GLRA2: variants seen among roughly 807,000 people sequenced by gnomAD.
GLRA2 encodes glycine receptor subunit alpha-2.
Under a neutral mutation model 31.6 loss-of-function variants are expected in GLRA2, and 11 were observed. The observed-to-expected ratio is 0.35, with a 90% CI of 0.22 to 0.58. The LOEUF is 0.58. GLRA2 is among the 20% of genes least tolerant of loss of function. The pLI, the probability that GLRA2 is intolerant of heterozygous loss-of-function variation, is 0.84. For missense variants in GLRA2, 212 were observed against 351.8 expected, an observed-to-expected ratio of 0.60 and a Z score of 3.18; for synonymous variants, 132 against 134.0, an observed-to-expected ratio of 0.99 and a Z score of 0.10.
At chrX:14,537,177 T>C (rs2089336974) in intron 2 of GLRA2, among the ~76,000 whole-genome samples, 1 of 111,394 alleles carries the variant, frequency 9.0e-6, no homozygotes, top group South Asian at 3.8e-4. Flanking sequence ...ACATATAGCA[T>C]GGGGGACTAT....
chrX:14,520,642 C>T, the GLRA2 span, among the ~76,000 whole-genome samples: 1 of 112,476 alleles, frequency 8.9e-6, no homozygotes, highest in South Asian at 3.7e-4. Flanking sequence ...CATCCAATTG[C>T]CTGCATGGAG....
chrX:14,672,193 T>C (rs1431765175), intron 7 of GLRA2, among the ~76,000 whole-genome samples: 1 of 112,375 alleles, frequency 8.9e-6, no homozygotes, highest in Non-Finnish European at 1.9e-5. Context: ...CATGGCTCTC[T>C]CTAACACAGC....
At chrX:14,533,523 G>GAAA (rs1044537875) in intron 2 of GLRA2, among the ~76,000 whole-genome samples, 3 of 95,374 alleles carry the variant, frequency 3.1e-5, no homozygotes, top group Admixed American at 2.3e-4. Flanking sequence ...AAATTTTTCT[G>GAAA]AAAAAAAAAA....
At chrX:14,541,508 C>A (rs1315416424) in intron 2 of GLRA2, among the ~76,000 whole-genome samples, 1 of 111,889 alleles carries the variant, frequency 8.9e-6, no homozygotes, top group Non-Finnish European at 1.9e-5. Context: ...AATGTATCTT[C>A]TTCTAATTTA....
At chrX:14,541,012 T>G (rs906473296) in intron 2 of GLRA2, among the ~76,000 whole-genome samples, 8 of 110,472 alleles carry the variant, frequency 7.2e-5, no homozygotes, top group African/African-American at 2.6e-4. Flanking sequence ...AAAAGAGAGA[T>G]CTTCCTGTGG....
chrX:14,521,441 A>G, the GLRA2 span, among the ~76,000 whole-genome samples: 3 of 111,031 alleles, frequency 2.7e-5, no homozygotes, highest in Admixed American at 1.9e-4. Context: ...CATCCTTCGG[A>G]CTCCAAGACT....
chrX:14,628,544 A>G (rs1569512940), intron 7 of GLRA2, among the ~76,000 whole-genome samples: 1 of 111,698 alleles, frequency 9.0e-6, no homozygotes, highest in Admixed American at 9.5e-5. Context: ...TTAAGAAGTA[A>G]CTCTGTGTGT....
chrX:14,530,368 A>C (rs1462124742), intron 1 of GLRA2, among the ~76,000 whole-genome samples: 3 of 111,907 alleles, frequency 2.7e-5, no homozygotes, highest in African/African-American at 9.7e-5. Context: ...AGCCAACGTG[A>C]TATTAAGGTA....
chrX:14,516,685 C>A, the GLRA2 span, among the ~76,000 whole-genome samples: 22 of 111,462 alleles, frequency 2.0e-4, no homozygotes, highest in Non-Finnish European at 4.0e-4. Context: ...TCATATGAAG[C>A]CTTGTAGCAG....
chrX:14,459,148 G>A, the GLRA2 span, among the ~76,000 whole-genome samples: 2 of 111,677 alleles, frequency 1.8e-5, no homozygotes, highest in East Asian at 2.8e-4. Context: ...CCCATTTCTT[G>A]TTTTTGTCAG....
rs187342227 is a variant in GLRA2, at chrX:14,564,120, A to G, written c.203-10213A>G. Among the ~76,000 whole-genome samples, 5 of 109,684 alleles carry G rather than the reference A, an allele frequency of 4.6e-5. No individual in the cohort carries two copies. In the East Asian group the frequency reaches 1.4e-3, roughly 31 times the overall value. On this transcript the variant is annotated intron_variant, in intron 2 of 8. Coordinates refer to ENST00000218075, the MANE Select transcript of GLRA2 (RefSeq NM_002063.4). ...AATCCAAGAAGCACAATAAGTTCCA[A>G]GTAGGGTAAACCCAAAGAGATCCAC...
At chrX:14,479,413 G>T in the GLRA2 span, among the ~76,000 whole-genome samples, 14 of 111,338 alleles carry the variant, frequency 1.3e-4, no homozygotes, top group East Asian at 3.7e-3. Context: ...TTTAGATTCA[G>T]TGGGTACAAA....
At chrX:14,517,158 T>C in the GLRA2 span, among the ~76,000 whole-genome samples, 30 of 112,318 alleles carry the variant, frequency 2.7e-4, no homozygotes, top group African/African-American at 9.7e-4. Context: ...TATAAGGCAT[T>C]TTAATTTTCA....
chrX:14,458,469 C>A, the GLRA2 span, among the ~76,000 whole-genome samples: 1 of 112,145 alleles, frequency 8.9e-6, no homozygotes, highest in Non-Finnish European at 1.9e-5. Context: ...GATGGTTGAA[C>A]TAGTTTACAG....
intron 7 of GLRA2, among the ~76,000 whole-genome samples, chrX:14,661,019 T>C (rs1049456484): frequency 8.9e-6 from 1 of 112,344 alleles, no homozygotes; most frequent in Non-Finnish European, 1.9e-5. Context: ...AGAGCCTGTC[T>C]CATTCATTTA....
chrX:14,682,512 T>A (rs1451215440), intron 7 of GLRA2, among the ~76,000 whole-genome samples: 1 of 111,615 alleles, frequency 9.0e-6, no homozygotes, highest in Non-Finnish European at 1.9e-5. Context: ...TTGCAAACAT[T>A]TATAAGGACT....
intron 3 of GLRA2, among the ~76,000 whole-genome samples, chrX:14,575,292 C>T (rs5935776): frequency 0.39 from 42,081 of 107,027 alleles, 7,840 homozygotes; most frequent in African/African-American, 0.7. Context: ...CCTCTGGCTC[C>T]CAGGTTCAAG....
the GLRA2 span, among the ~76,000 whole-genome samples, chrX:14,492,829 C>T: frequency 8.9e-6 from 1 of 111,973 alleles, no homozygotes; most frequent in East Asian, 2.8e-4. Flanking sequence ...TTACGTCTCA[C>T]AGTTCTGAAG....
chrX:14,575,655 CT>C (rs1203619732), intron 3 of GLRA2, among the ~76,000 whole-genome samples: 1 of 110,515 alleles, frequency 9.0e-6, no homozygotes, highest in African/African-American at 3.3e-5. Flanking sequence ...GAGACAGGAT[CT>C]CACTATATTG....
Sources: gnomAD v4.1 joint callset for allele counts (sites outside exome capture counted in the v4.1 genomes callset) on GRCh38, gnomAD v4.1.1 for gene constraint, MANE v1.5 for transcripts, NCBI Gene and HGNC (gene_info 2026-07-23, HGNC 2026-07-21) for gene names.